TAFA5: variants seen among roughly 807,000 people sequenced by gnomAD.
TAFA5 encodes the protein chemokine-like protein TAFA-5.
In TAFA5, 6 loss-of-function variants were observed where a neutral mutation model predicts 15.3. That is an observed-to-expected ratio of 0.39 (90% CI 0.21 to 0.77). TAFA5 has a LOEUF of 0.77. Among genes scored for constraint, TAFA5 ranks in the 30% least tolerant of loss-of-function variants. The pLI, the probability that TAFA5 is intolerant of heterozygous loss-of-function variation, is 0.41. For missense variants in TAFA5, 161 were observed against 193.1 expected, an observed-to-expected ratio of 0.83 and a Z score of 0.98; for synonymous variants, 103 against 80.7, an observed-to-expected ratio of 1.28 and a Z score of -1.48.
At chr22:48,677,794 A>G (rs1401659851) in intron 2 of TAFA5, among the ~76,000 whole-genome samples, 1 of 152,146 alleles carries the variant, frequency 6.6e-6, no homozygotes, top group Non-Finnish European at 1.5e-5. Context: ...CCTGGATGAC[A>G]GGCCACCCAA....
At chr22:48,504,080 G>A (rs927898595) in intron 1 of TAFA5, among the ~76,000 whole-genome samples, 1 of 152,166 alleles carries the variant, frequency 6.6e-6, no homozygotes. Flanking sequence ...TGGTACCAGC[G>A]ATCGAGTGGG....
chr22:48,551,109 C>T (rs1922840480), intron 1 of TAFA5, among the ~76,000 whole-genome samples: 1 of 152,002 alleles, frequency 6.6e-6, no homozygotes, highest in Non-Finnish European at 1.5e-5. Flanking sequence ...GAGGTCCCTC[C>T]CTGTGGTGTC....
intron 1 of TAFA5, among the ~76,000 whole-genome samples, chr22:48,637,651 C>T (rs1026009117): frequency 1.3e-5 from 2 of 152,080 alleles, no homozygotes; most frequent in Admixed American, 6.5e-5. Context: ...CGCACCCTCG[C>T]TCAGGTGTGT....
intron 1 of TAFA5, among the ~76,000 whole-genome samples, chr22:48,610,317 T>C (rs1256482229): frequency 1.3e-5 from 2 of 152,240 alleles, no homozygotes; most frequent in African/African-American, 4.8e-5. Context: ...TGATTCTTTC[T>C]GTTTATGGAG....
intron 1 of TAFA5, among the ~76,000 whole-genome samples, chr22:48,574,420 C>T (rs1260706864): frequency 6.6e-6 from 1 of 152,132 alleles, no homozygotes; most frequent in Non-Finnish European, 1.5e-5. Context: ...CCTGACTCTG[C>T]CCTTGACTTT....
At chr22:48,597,233 A>G (rs1469060383) in intron 1 of TAFA5, among the ~76,000 whole-genome samples, 1 of 152,134 alleles carries the variant, frequency 6.6e-6, no homozygotes, top group African/African-American at 2.4e-5. Context: ...TGTCCCCAGG[A>G]ACACCTGCTG....
intron 2 of TAFA5, among the ~76,000 whole-genome samples, chr22:48,670,356 A>C (rs936895581): frequency 6.6e-6 from 1 of 152,246 alleles, no homozygotes; most frequent in Non-Finnish European, 1.5e-5. Context: ...CTTTTTAATG[A>C]AGGCTCTTGC....
chr22:48,581,014 A>G (rs868563424), intron 1 of TAFA5, among the ~76,000 whole-genome samples: 8 of 152,196 alleles, frequency 5.3e-5, no homozygotes, highest in Admixed American at 1.3e-4. Flanking sequence ...TTGCAAGGCC[A>G]GGTAGGTGTG....
intron 2 of TAFA5, among the ~76,000 whole-genome samples, chr22:48,676,242 C>T (rs1379789373): frequency 6.6e-6 from 1 of 152,248 alleles, no homozygotes; most frequent in African/African-American, 2.4e-5. Flanking sequence ...TTGGCCTGTC[C>T]CTCCCACCTG....
intron 1 of TAFA5, among the ~76,000 whole-genome samples, chr22:48,583,064 C>A (rs1280179542): frequency 1.4e-5 from 2 of 144,210 alleles, no homozygotes; most frequent in Non-Finnish European, 3.0e-5. Context: ...CAAAGTACAC[C>A]ACACACAAAA....
chr22:48,662,927 C>G lies in TAFA5; in HGVS notation c.262+16181C>G, dbSNP rs571007116. Among the ~76,000 whole-genome samples the G allele has an allele frequency of 3.5e-4, 54 of 152,306 alleles. 1 individual carries two copies. Among genetic ancestry groups the G allele is most frequent in the African/African-American group, 1.3e-3 (52 of 41,568 alleles). ...AAGCAGACCTCCCACGCAGGGAGCC[C>G]GAGAGGTGAATAAAGGTCTCCTTTA... On this transcript the variant is annotated intron_variant, in intron 2 of 3. Coordinates refer to ENST00000402357, the MANE Select transcript of TAFA5 (RefSeq NM_001082967.3).
At chr22:48,708,131 C>G (rs1326192963) in intron 3 of TAFA5, among the ~76,000 whole-genome samples, 1 of 152,206 alleles carries the variant, frequency 6.6e-6, no homozygotes, top group South Asian at 2.1e-4. Context: ...GGTCTCGAAA[C>G]CCCCTGGTTA....
intron 1 of TAFA5, among the ~76,000 whole-genome samples, chr22:48,502,178 T>TA (rs1920955892): frequency 6.6e-6 from 1 of 152,082 alleles, no homozygotes; most frequent in African/African-American, 2.4e-5. Flanking sequence ...ATCCATTGGA[T>TA]AACAAGAAGA....
At chr22:48,745,455 G>T (rs186124866) in intron 3 of TAFA5, among the ~76,000 whole-genome samples, 1 of 139,646 alleles carries the variant, frequency 7.2e-6, no homozygotes. Flanking sequence ...CCCTGAGCAT[G>T]GGCACACACG....
At chr22:48,623,447 C>T (rs13057130) in intron 1 of TAFA5, among the ~76,000 whole-genome samples, 9 of 138,368 alleles carry the variant, frequency 6.5e-5, no homozygotes, top group Non-Finnish European at 1.3e-4. Flanking sequence ...TGCTGCGTGG[C>T]CCTGCGCGGT....
intron 1 of TAFA5, chr22:48,539,339 T>C: frequency 2.1e-6 from 1 of 470,990 alleles, no homozygotes; most frequent in South Asian, 1.5e-5. Flanking sequence ...GCCGATACCC[T>C]AATAGGACAT....
chr22:48,694,220 G>T (rs766076583), intron 2 of TAFA5, among the ~76,000 whole-genome samples: 1 of 152,206 alleles, frequency 6.6e-6, no homozygotes, highest in Non-Finnish European at 1.5e-5. Context: ...TAATAAATGA[G>T]CATACCAGTC....
chr22:48,570,353 T>C (rs1220401726), intron 1 of TAFA5, among the ~76,000 whole-genome samples: 1 of 152,184 alleles, frequency 6.6e-6, no homozygotes, highest in African/African-American at 2.4e-5. Flanking sequence ...GAGACAAGGG[T>C]ATCTCAAATC....
At chr22:48,519,984 C>T (rs1028428329) in intron 1 of TAFA5, among the ~76,000 whole-genome samples, 2 of 152,168 alleles carry the variant, frequency 1.3e-5, no homozygotes, top group African/African-American at 4.8e-5. Flanking sequence ...TGTGGTCACA[C>T]GAGAGTTGGA....
Sources: allele counts gnomAD v4.1 joint callset (sites outside exome capture counted in the v4.1 genomes callset), GRCh38; gene constraint gnomAD v4.1.1; transcripts MANE v1.5; gene names NCBI Gene and HGNC (gene_info 2026-07-23, HGNC 2026-07-21).